HS6ST3: variants seen among roughly 807,000 people sequenced by gnomAD.
HS6ST3 encodes the protein heparan sulfate 6-O-sulfotransferase 3, also known as heparan-sulfate 6-O-sulfotransferase 3.
HS6ST3 carries 12 observed loss-of-function variants against 36.7 expected under a neutral mutation model. The observed-to-expected ratio is 0.33, with a 90% confidence interval of 0.21 to 0.53. The LOEUF (loss-of-function observed/expected upper bound fraction) is 0.53. Ranked by LOEUF, HS6ST3 falls within the 20% of genes least tolerant of loss-of-function variation. The probability of loss-of-function intolerance (pLI) is 0.95; values close to 1 mark genes in which losing one functional copy is unlikely to be tolerated. For synonymous variants in HS6ST3, 240 were observed against 257.5 expected (o/e 0.93, Z 0.65); for missense variants, 584 against 640.9 (o/e 0.91, Z 0.96).
At chr13:96,372,227 G>A (rs2055293466) in intron 1 of HS6ST3, among the ~76,000 whole-genome samples, 1 of 152,208 alleles carries the variant, frequency 6.6e-6, no homozygotes. Context: ...GAATTTCTCT[G>A]ATGACTACTG....
intron 1 of HS6ST3, among the ~76,000 whole-genome samples, chr13:96,730,682 C>T (rs762217802): frequency 6.6e-6 from 1 of 152,144 alleles, no homozygotes; most frequent in Non-Finnish European, 1.5e-5. Context: ...AACCTTCCAA[C>T]TCAGCCTCCC....
intron 1 of HS6ST3, among the ~76,000 whole-genome samples, chr13:96,184,892 C>G (rs2054258137): frequency 6.6e-6 from 1 of 152,110 alleles, no homozygotes; most frequent in African/African-American, 2.4e-5. Flanking sequence ...ATCATCTTCC[C>G]TGCTATCCCG....
intron 1 of HS6ST3, among the ~76,000 whole-genome samples, chr13:96,339,080 T>G (rs751078240): frequency 6.6e-6 from 1 of 152,110 alleles, no homozygotes; most frequent in African/African-American, 2.4e-5. Context: ...TAGGGAAAAT[T>G]TAGGACATGA....
At chr13:96,770,531 A>G (rs539772870) in intron 1 of HS6ST3, among the ~76,000 whole-genome samples, 39 of 152,330 alleles carry the variant, frequency 2.6e-4, no homozygotes, top group African/African-American at 8.4e-4. Flanking sequence ...TGCTTACAGC[A>G]ATATATGGTA....
intron 1 of HS6ST3, among the ~76,000 whole-genome samples, chr13:96,604,701 G>A (rs1253335465): frequency 6.6e-6 from 1 of 152,126 alleles, no homozygotes; most frequent in Non-Finnish European, 1.5e-5. Context: ...AACAAGTTGA[G>A]CATATTAATG....
chr13:96,670,909 A>G (rs1251490418), intron 1 of HS6ST3, among the ~76,000 whole-genome samples: 1 of 152,130 alleles, frequency 6.6e-6, no homozygotes, highest in African/African-American at 2.4e-5. Flanking sequence ...TTGGGGGCCT[A>G]CTGCTGATAT....
intron 1 of HS6ST3, among the ~76,000 whole-genome samples, chr13:96,132,617 G>A (rs964409242): frequency 1.3e-5 from 2 of 151,978 alleles, no homozygotes; most frequent in Admixed American, 6.6e-5. Flanking sequence ...TGTTGCCCAG[G>A]CTGGTCTTGA....
At chr13:96,658,788 C>G (rs1201227070) in intron 1 of HS6ST3, among the ~76,000 whole-genome samples, 1 of 152,028 alleles carries the variant, frequency 6.6e-6, no homozygotes, top group Non-Finnish European at 1.5e-5. Flanking sequence ...TCACTGCAAC[C>G]TCTGCCTCCC....
intron 1 of HS6ST3, among the ~76,000 whole-genome samples, chr13:96,351,973 T>A (rs988009858): frequency 1.3e-5 from 2 of 152,078 alleles, no homozygotes; most frequent in Non-Finnish European, 2.9e-5. Flanking sequence ...GCAACACAAA[T>A]AATAAGGGAA....
intron 1 of HS6ST3, chr13:96,574,240 G>T: frequency 4.3e-6 from 2 of 461,566 alleles, no homozygotes; most frequent in South Asian, 1.7e-5. Flanking sequence ...GTGATTACCT[G>T]GACTGGGAGA....
At chr13:96,471,735 A>G (rs189763271) in intron 1 of HS6ST3, among the ~76,000 whole-genome samples, 1 of 152,264 alleles carries the variant, frequency 6.6e-6, no homozygotes, top group Admixed American at 6.5e-5. Context: ...TTCTGAGTTG[A>G]CCATCACTTT....
At chr13:96,701,688 G>A (rs755143528) in intron 1 of HS6ST3, among the ~76,000 whole-genome samples, 1 of 152,098 alleles carries the variant, frequency 6.6e-6, no homozygotes, top group Non-Finnish European at 1.5e-5. Flanking sequence ...AACCAGGCAC[G>A]GTGTCTCACG....
At chr13:96,413,508 A>T (rs2055518634) in intron 1 of HS6ST3, among the ~76,000 whole-genome samples, 1 of 152,214 alleles carries the variant, frequency 6.6e-6, no homozygotes, top group African/African-American at 2.4e-5. Flanking sequence ...TCGAACGATT[A>T]ACTTTGCAAA....
At chr13:96,550,542 A>C (rs2056215779) in intron 1 of HS6ST3, among the ~76,000 whole-genome samples, 1 of 152,210 alleles carries the variant, frequency 6.6e-6, no homozygotes, top group South Asian at 2.1e-4. Context: ...CTTCAAGCCT[A>C]ATGTGGACTG....
chr13:96,786,072 C>G (rs1344613085), intron 1 of HS6ST3, among the ~76,000 whole-genome samples: 1 of 152,166 alleles, frequency 6.6e-6, no homozygotes, highest in Non-Finnish European at 1.5e-5. Flanking sequence ...TCACCTCTCT[C>G]CTTTCCACCC....
intron 1 of HS6ST3, among the ~76,000 whole-genome samples, chr13:96,108,995 C>T (rs1439721369): frequency 6.6e-6 from 1 of 152,110 alleles, no homozygotes; most frequent in African/African-American, 2.4e-5. Context: ...ATCTCTATCT[C>T]TATCCCTCTA....
intron 1 of HS6ST3, among the ~76,000 whole-genome samples, chr13:96,358,972 G>A (rs749761243): frequency 1.3e-5 from 2 of 151,792 alleles, no homozygotes; most frequent in Non-Finnish European, 2.9e-5. Context: ...ATTAATCTGG[G>A]TAAATGTACA....
chr13:96,573,044 G>T (rs2138963290), intron 1 of HS6ST3, among the ~76,000 whole-genome samples: 1 of 152,186 alleles, frequency 6.6e-6, no homozygotes, highest in African/African-American at 2.4e-5. Flanking sequence ...CCTAACTCAA[G>T]GACATGGTGC....
chr13:96,744,849 T>C (rs1381602640), intron 1 of HS6ST3, among the ~76,000 whole-genome samples: 4 of 152,128 alleles, frequency 2.6e-5, no homozygotes, highest in Non-Finnish European at 5.9e-5. Flanking sequence ...AGCCCATTTT[T>C]ACCTGGGTTC....
Sources: gnomAD v4.1 joint callset for allele counts (sites outside exome capture counted in the v4.1 genomes callset) on GRCh38, gnomAD v4.1.1 for gene constraint, MANE v1.5 for transcripts, NCBI Gene and HGNC (gene_info 2026-07-23, HGNC 2026-07-21) for gene names.